Variants in KIDINS220 observed in about 807,000 individuals in gnomAD.
KIDINS220 encodes the protein kinase D interacting substrate 220.
Under a neutral mutation model 157.6 loss-of-function variants are expected in KIDINS220, and 63 were observed. The ratio of observed to expected loss-of-function variants is 0.40; its 90% CI spans 0.33 to 0.49. The LOEUF is 0.49. Among genes scored for constraint, KIDINS220 ranks in the 20% least tolerant of loss-of-function variants. The pLI is 0.66. For missense variants in KIDINS220, 1,772 were observed against 2,171.2 expected (o/e 0.82, Z 3.65); for synonymous variants, 732 against 783.6 (o/e 0.93, Z 1.10).
At chr2:8,734,001 G>A (rs901024713) in intron 28 of KIDINS220, among the ~76,000 whole-genome samples, 3 of 152,216 alleles carry the variant, frequency 2.0e-5, no homozygotes, top group African/African-American at 7.2e-5. Flanking sequence ...CTGGCCAGGA[G>A]TAGGGCGGTA....
rs778229634 is a variant in KIDINS220, at chr2:8,785,871, A to C, written c.2099T>G (p.Val700Gly). The part of the protein sequence containing the change: ...NAVLISIASV[V>G]GLAFVLNCRT... ...ACAGTTCAACACAAAGGCCAATCCC[A>C]CTACAGATGCGATTGATATGAGGAC... Residue 700 changes from valine (V) to glycine (G), a missense_variant, in exon 17 of 30, where the codon GTG (valine) becomes GGG (glycine). Val to Gly is a moderately radical substitution (Grantham distance 109, BLOSUM62 -3). Transcript: ENST00000256707. 1.2e-6 allele frequency: 2 copies of C among 1,614,150 alleles called. No individual in the cohort carries two copies. Among genetic ancestry groups the C allele is most frequent in the Non-Finnish European group, 8.5e-7 (1 of 1,180,020 alleles).
At position 8,747,761 on chromosome 2, in the gene KIDINS220, T is replaced by C. The variant is rs1229736726; in HGVS notation, c.3528+126A>G. 1.3e-5 allele frequency: 6 copies of C among 475,940 alleles called. No homozygotes were observed. The East Asian group carries it at 2.1e-4, about 17-fold the overall frequency. 29.5% of individuals were successfully genotyped at this position (475,940 alleles called of 1,614,324 possible). A position where few individuals can be genotyped will look rare whatever the true frequency, so the allele number is the denominator to read the frequency against. On this transcript the variant is annotated intron_variant, in intron 25 of 29. Transcript: ENST00000256707. ...AAATACATTTTATGTTAGTAATAGG[T>C]TGTTTCTTAAAACTATGTATAAAAT...
At chr2:8,747,230 T>A in intron 25 of KIDINS220, 29 bp from the exon 26 acceptor site, 1 of 1,608,896 alleles carries the variant, frequency 6.2e-7, no homozygotes, top group South Asian at 1.1e-5. Context: ...AGAGTGTGGG[T>A]GAAAAGGGGA....
intron 22 of KIDINS220, among the ~76,000 whole-genome samples, chr2:8,762,865 A>C (rs1668958823): frequency 6.6e-6 from 1 of 152,254 alleles, no homozygotes; most frequent in Non-Finnish European, 1.5e-5. Context: ...CCAGATGTTT[A>C]AGTGCTAAAT....
At chr2:8,812,559 G>C in intron 5 of KIDINS220, 66 bp from the exon 6 acceptor site, 1 of 773,026 alleles carries the variant, frequency 1.3e-6, no homozygotes, top group South Asian at 2.5e-5. Flanking sequence ...AGAAAGGAAG[G>C]AGGGAGGGAG....
intron 6 of KIDINS220, among the ~76,000 whole-genome samples, 155 bp downstream of exon 6, chr2:8,812,240 C>T (rs1676430651): frequency 6.6e-6 from 1 of 152,038 alleles, no homozygotes; most frequent in Admixed American, 6.5e-5. Context: ...CCCAGGGAAT[C>T]CATCTATGAG....
At chr2:8,735,755 A>T (rs1357267472) in intron 27 of KIDINS220, among the ~76,000 whole-genome samples, 2 of 152,236 alleles carry the variant, frequency 1.3e-5, no homozygotes, top group East Asian at 3.8e-4. Flanking sequence ...AGAAAACAGT[A>T]TACACAGCAA....
chr2:8,812,575 G>C, intron 5 of KIDINS220, 82 bp from the exon 6 acceptor site: 16 of 618,632 alleles, frequency 2.6e-5, no homozygotes, highest in South Asian at 3.6e-5. Flanking sequence ...GGGAGGGAAG[G>C]AGAAATAAAA....
At chr2:8,753,016 T>G (rs1667567226) in intron 22 of KIDINS220, among the ~76,000 whole-genome samples, 1 of 152,096 alleles carries the variant, frequency 6.6e-6, no homozygotes. Context: ...GAAACTGTAG[T>G]TTTTGTAGGT....
chr2:8,736,685 A>G (rs1473600219), intron 27 of KIDINS220, among the ~76,000 whole-genome samples, 183 bp downstream of exon 27: 2 of 152,240 alleles, frequency 1.3e-5, no homozygotes, highest in Non-Finnish European at 1.5e-5. Context: ...CATTTATAAA[A>G]TAAGAGAAAA....
chr2:8,821,589 C>G (rs1344525627), intron 2 of KIDINS220, among the ~76,000 whole-genome samples: 2 of 152,210 alleles, frequency 1.3e-5, no homozygotes, highest in African/African-American at 2.4e-5. Context: ...CATCTATCAG[C>G]CTTGAAATGG....
Position 8,785,724 on chromosome 2 carries a change from A to G in KIDINS220, c.2229+17T>C, listed in dbSNP as rs1043207572. Reference sequence around the variant, plus strand: ...TATTCGCATTACAATTTTTTCTAATAACCAATGAGTGCTTACTTTCATGAA... The same window carrying G: ...TATTCGCATTACAATTTTTTCTAATGACCAATGAGTGCTTACTTTCATGAA... On this transcript the variant is annotated intron_variant, in intron 17 of 29. Coordinates refer to ENST00000256707, the MANE Select transcript of KIDINS220 (RefSeq NM_020738.4). 1.3e-6 allele frequency: 2 copies of G among 1,585,402 alleles called. No homozygotes were observed. Among genetic ancestry groups the G allele is most frequent in the African/African-American group, 1.4e-5 (1 of 73,350 alleles).
chr2:8,791,004 T>C (rs1673108123), intron 13 of KIDINS220, 56 bp downstream of exon 13: 5 of 1,502,880 alleles, frequency 3.3e-6, no homozygotes, highest in Admixed American at 2.1e-5. Context: ...TTCAGAAAAA[T>C]CCCCAGAGAA....
chr2:8,797,613 A>G (rs564046417), intron 10 of KIDINS220, among the ~76,000 whole-genome samples: 2 of 152,288 alleles, frequency 1.3e-5, no homozygotes, highest in African/African-American at 4.8e-5. Context: ...CTTATGGATG[A>G]CTCTATAATT....
chr2:8,775,368 C>T (rs897470933), intron 21 of KIDINS220, among the ~76,000 whole-genome samples: 5 of 152,050 alleles, frequency 3.3e-5, no homozygotes, highest in Non-Finnish European at 7.4e-5. Flanking sequence ...AGGAGAACTC[C>T]AAGAAACGCA....
chr2:8,758,883 T>C (rs1453274800), intron 22 of KIDINS220, among the ~76,000 whole-genome samples: 1 of 152,130 alleles, frequency 6.6e-6, no homozygotes, highest in Non-Finnish European at 1.5e-5. Context: ...GTAATAAAAG[T>C]ACTAAGAGCT....
At chr2:8,742,102 TAAA>T (rs760606441) in intron 26 of KIDINS220, among the ~76,000 whole-genome samples, 1 of 151,874 alleles carries the variant, frequency 6.6e-6, no homozygotes, top group Non-Finnish European at 1.5e-5. Context: ...GTGGTGAAAA[TAAA>T]AATTGTCCAC....
chr2:8,808,943 C>A (rs1257396334), intron 6 of KIDINS220, among the ~76,000 whole-genome samples: 1 of 152,198 alleles, frequency 6.6e-6, no homozygotes, highest in Non-Finnish European at 1.5e-5. Flanking sequence ...ATAAACATTA[C>A]AAAACCACCA....
rs190939277 is a variant in KIDINS220, at chr2:8,829,078, T to C, written c.-36-1949A>G. 4.5e-4 allele frequency among the ~76,000 whole-genome samples: 68 copies of C among 152,328 alleles called. 1 individual carries two copies. The highest frequency in any genetic ancestry group is 1.1e-3 in the African/African-American group (44 of 41,568). ...TCTGGGGGCCAGAGGGCAGAAACTA[T>C]AGCACTATATGATTCTACTTATATA... On this transcript the variant is annotated intron_variant, in intron 1 of 29. Transcript: ENST00000256707.
Sources: gnomAD v4.1 joint callset for allele counts (sites outside exome capture counted in the v4.1 genomes callset) on GRCh38, gnomAD v4.1.1 for gene constraint, MANE v1.5 for transcripts, NCBI Gene and HGNC (gene_info 2026-07-23, HGNC 2026-07-21) for gene names.